ATRNL1: variants seen among roughly 807,000 people sequenced by gnomAD.
ATRNL1 encodes the protein attractin like 1, also known as attractin-like protein 1.
ATRNL1 carries 95 observed loss-of-function variants against 182.7 expected under a neutral mutation model. That is an observed-to-expected ratio of 0.52 (90% confidence interval 0.44 to 0.62). The LOEUF is 0.62. Among genes scored for constraint, ATRNL1 ranks in the 20% least tolerant of loss-of-function variants. The pLI is 0.00. For synonymous variants in ATRNL1, 576 were observed against 568.3 expected, an observed-to-expected ratio of 1.01 and a Z score of -0.19; for missense variants, 1,471 against 1,679.5, an observed-to-expected ratio of 0.88 and a Z score of 2.17.
chr10:115,286,408 T>G lies in ATRNL1; in HGVS notation c.2415+11T>G. Reference sequence around the variant, plus strand: ...AAGTATACACAACAGGTAACATTTCTACTTGTTTACATTATGGAAATATGC... The same window carrying G: ...AAGTATACACAACAGGTAACATTTCGACTTGTTTACATTATGGAAATATGC... On this transcript the variant is annotated intron_variant, in intron 15 of 28. Transcript: ENST00000355044. 1 of 1,461,816 alleles carries G rather than the reference T, an allele frequency of 6.8e-7. No homozygotes were observed. Among genetic ancestry groups the G allele is most frequent in the Non-Finnish European group, 9.2e-7 (1 of 1,088,538 alleles). 90.6% of individuals were successfully genotyped at this position (1,461,816 alleles called of 1,614,324 possible).
intron 4 of ATRNL1, among the ~76,000 whole-genome samples, chr10:115,128,708 T>A (rs1483259734): frequency 1.3e-5 from 2 of 151,770 alleles, no homozygotes; most frequent in Non-Finnish European, 2.9e-5. Context: ...GCGCCTGTAG[T>A]CCCAGCTACT....
At chr10:115,442,722 A>G (rs1846758228) in intron 21 of ATRNL1, among the ~76,000 whole-genome samples, 1 of 152,084 alleles carries the variant, frequency 6.6e-6, no homozygotes, top group South Asian at 2.1e-4. Flanking sequence ...TTCATAGCAT[A>G]TATCACTCTC....
At chr10:115,831,767 G>GTCTTTTTTTTTTTTTT (rs5788116) in intron 27 of ATRNL1, among the ~76,000 whole-genome samples, 1 of 136,764 alleles carries the variant, frequency 7.3e-6, no homozygotes, top group African/African-American at 3.1e-5. Context: ...AGTCAAGTGA[G>GTCTTTTTTTTTTTTTT]TTTTTTTTTT....
chr10:115,919,136 C>T (rs1555118078), intron 28 of ATRNL1, among the ~76,000 whole-genome samples: 1 of 152,170 alleles, frequency 6.6e-6, no homozygotes, highest in African/African-American at 2.4e-5. Flanking sequence ...TGAGTTTGTG[C>T]ATCAGATCTT....
chr10:115,926,052 A>G (rs954068356), intron 28 of ATRNL1, among the ~76,000 whole-genome samples: 9 of 152,190 alleles, frequency 5.9e-5, no homozygotes, highest in Non-Finnish European at 1.2e-4. Context: ...CTAAAATCAT[A>G]ACAGTCTCTC....
intron 25 of ATRNL1, among the ~76,000 whole-genome samples, chr10:115,523,606 A>G (rs782232202): frequency 1.3e-5 from 2 of 152,220 alleles, no homozygotes; most frequent in Admixed American, 6.5e-5. Flanking sequence ...GCTGCTTGTC[A>G]TGGACACAAT....
intron 26 of ATRNL1, among the ~76,000 whole-genome samples, chr10:115,626,080 A>C (rs1263356127): frequency 1.3e-5 from 2 of 152,200 alleles, no homozygotes; most frequent in Admixed American, 6.5e-5. Context: ...ACCTGAATCA[A>C]AATACTCCAA....
At chr10:115,270,131 G>C (rs970607263) in intron 13 of ATRNL1, among the ~76,000 whole-genome samples, 1 of 150,246 alleles carries the variant, frequency 6.7e-6, no homozygotes. Flanking sequence ...AGTAGAAGTC[G>C]GAGTTAAATA....
intron 9 of ATRNL1, among the ~76,000 whole-genome samples, 200 bp from the exon 10 acceptor site, chr10:115,241,371 T>G (rs1451903258): frequency 6.6e-6 from 1 of 151,722 alleles, no homozygotes; most frequent in Non-Finnish European, 1.5e-5. Context: ...CAAAGCATTT[T>G]AAGATGCTAT....
chr10:115,247,609 T>G (rs1554904397), intron 10 of ATRNL1, among the ~76,000 whole-genome samples: 1 of 152,168 alleles, frequency 6.6e-6, no homozygotes, highest in Non-Finnish European at 1.5e-5. Context: ...TGGAGAATAG[T>G]ATGGAGGTTC....
chr10:115,394,300 T>G (rs1324800831), intron 19 of ATRNL1, among the ~76,000 whole-genome samples: 1 of 152,070 alleles, frequency 6.6e-6, no homozygotes, highest in South Asian at 2.1e-4. Flanking sequence ...TAGATGTAAA[T>G]TTTGAACCCA....
At chr10:115,509,100 A>G (rs1448388235) in intron 24 of ATRNL1, among the ~76,000 whole-genome samples, 2 of 152,134 alleles carry the variant, frequency 1.3e-5, no homozygotes, top group South Asian at 2.1e-4. Flanking sequence ...TGTTCTGCCT[A>G]TGTTCTATAA....
intron 26 of ATRNL1, among the ~76,000 whole-genome samples, chr10:115,679,022 C>T (rs1945959431): frequency 1.3e-5 from 2 of 152,102 alleles, no homozygotes; most frequent in Admixed American, 1.3e-4. Flanking sequence ...GCATAGTCTG[C>T]AAGCATTTTG....
At chr10:115,613,909 T>C (rs1244183000) in intron 26 of ATRNL1, among the ~76,000 whole-genome samples, 1 of 152,028 alleles carries the variant, frequency 6.6e-6, no homozygotes, top group Non-Finnish European at 1.5e-5. Context: ...GTCTCCACTG[T>C]TTTTTTCTTA....
chr10:115,539,375 G>C lies in ATRNL1; in HGVS notation c.3717-10083G>C, dbSNP rs1325324422. Among the ~76,000 whole-genome samples the C allele has an allele frequency of 5.3e-5, 8 of 152,166 alleles. No homozygotes were observed. In the South Asian group the frequency reaches 1.0e-3, roughly 20 times the overall value. On this transcript the variant is annotated intron_variant, in intron 25 of 28. Coordinates refer to ENST00000355044, the MANE Select transcript of ATRNL1 (RefSeq NM_207303.4). Reference sequence around the variant, plus strand: ...AACACACATCTCTTTTTCTCTAAGTGAACTCAACCATGAAACCTGGACAAA... The same window carrying C: ...AACACACATCTCTTTTTCTCTAAGTCAACTCAACCATGAAACCTGGACAAA...
intron 9 of ATRNL1, among the ~76,000 whole-genome samples, chr10:115,228,271 C>G (rs1326623994): frequency 1.3e-5 from 2 of 152,138 alleles, no homozygotes; most frequent in Non-Finnish European, 2.9e-5. Context: ...GGTTTCGTTA[C>G]ATTTAATAAG....
intron 26 of ATRNL1, among the ~76,000 whole-genome samples, chr10:115,673,884 G>A (rs1945778749): frequency 6.6e-6 from 1 of 151,992 alleles, no homozygotes; most frequent in African/African-American, 2.4e-5. Flanking sequence ...TTAGTGTACT[G>A]TTCTGGAACA....
At chr10:115,800,675 A>C (rs538808048) in intron 27 of ATRNL1, among the ~76,000 whole-genome samples, 1 of 152,162 alleles carries the variant, frequency 6.6e-6, no homozygotes, top group South Asian at 2.1e-4. Context: ...CTAACCCCCA[A>C]TGTGATGGTA....
chr10:115,388,460 C>T (rs1843785947), intron 19 of ATRNL1, among the ~76,000 whole-genome samples: 1 of 151,998 alleles, frequency 6.6e-6, no homozygotes, highest in Admixed American at 6.6e-5. Flanking sequence ...TCTCTGCATT[C>T]TTATTGTTTC....
Sources: allele counts gnomAD v4.1 joint callset (sites outside exome capture counted in the v4.1 genomes callset), GRCh38; gene constraint gnomAD v4.1.1; transcripts MANE v1.5; gene names NCBI Gene and HGNC (gene_info 2026-07-23, HGNC 2026-07-21).